LUZP2: variants seen among roughly 807,000 people sequenced by gnomAD.
The protein encoded by LUZP2 is leucine zipper protein 2.
LUZP2 carries 52 observed loss-of-function variants against 51.6 expected under a neutral mutation model. The ratio of observed to expected loss-of-function variants is 1.01; its 90% CI spans 0.81 to 1.27. LUZP2 has a LOEUF of 1.27. Among genes scored for constraint, LUZP2 ranks in the 50% most tolerant of loss-of-function variants. The probability of loss-of-function intolerance (pLI) is 0.00; values close to 1 mark genes in which losing one functional copy is unlikely to be tolerated. For synonymous variants in LUZP2, 154 were observed against 137.3 expected (o/e 1.12, Z -0.85); for missense variants, 436 against 395.4 (o/e 1.10, Z -0.87).
chr11:24,694,527 T>C (rs1857182254), intron 1 of LUZP2, among the ~76,000 whole-genome samples: 1 of 152,068 alleles, frequency 6.6e-6, no homozygotes, highest in African/African-American at 2.4e-5. Flanking sequence ...TCCTCAAGGA[T>C]CTAGAACCAG....
Position 24,753,379 on chromosome 11 carries a change from G to A in LUZP2, c.334-9867G>A, listed in dbSNP as rs189926742. On this transcript the variant is annotated intron_variant, in intron 4 of 11. Transcript: ENST00000336930. ...CATCCATGTAGGAACCCAGTCCTAG[G>A]TTTTTATGGAAGCTTCATTACTTCA... Among the ~76,000 whole-genome samples the A allele has an allele frequency of 6.5e-4, 99 of 152,208 alleles. No individual in the cohort carries two copies. The Middle Eastern group carries it at 0.014, about 21-fold the overall frequency.
chr11:24,719,758 A>T (rs1178675784), intron 1 of LUZP2, among the ~76,000 whole-genome samples: 1 of 152,190 alleles, frequency 6.6e-6, no homozygotes, highest in African/African-American at 2.4e-5. Context: ...GATTGACAGG[A>T]TGTTATTCTA....
chr11:24,728,546 C>CA (rs949772824), intron 1 of LUZP2, among the ~76,000 whole-genome samples: 2 of 151,766 alleles, frequency 1.3e-5, no homozygotes, highest in Non-Finnish European at 2.9e-5. Context: ...GAAAATTTTC[C>CA]AAAACATAAA....
At chr11:24,850,824 G>A (rs1472751583) in intron 5 of LUZP2, among the ~76,000 whole-genome samples, 1 of 152,174 alleles carries the variant, frequency 6.6e-6, no homozygotes, top group African/African-American at 2.4e-5. Flanking sequence ...TCTTCTGGAA[G>A]AGGTTCTTCA....
intron 4 of LUZP2, among the ~76,000 whole-genome samples, chr11:24,760,920 C>G (rs531362720): frequency 9.2e-5 from 14 of 152,280 alleles, no homozygotes; most frequent in African/African-American, 3.4e-4. Context: ...TGACTTAACA[C>G]AGTCTTAATA....
At chr11:24,942,853 G>A (rs961860354) in intron 7 of LUZP2, among the ~76,000 whole-genome samples, 6 of 152,034 alleles carry the variant, frequency 3.9e-5, no homozygotes, top group African/African-American at 1.4e-4. Context: ...CATATATGTA[G>A]GCTATTGTGT....
At chr11:24,576,868 G>T (rs1852670256) in intron 1 of LUZP2, among the ~76,000 whole-genome samples, 2 of 151,906 alleles carry the variant, frequency 1.3e-5, no homozygotes. Flanking sequence ...TATGAGTATT[G>T]CAATCAACTT....
chr11:24,738,090 T>C, intron 3 of LUZP2, 131 bp from the exon 4 acceptor site: 1 of 539,642 alleles, frequency 1.9e-6, no homozygotes, highest in Non-Finnish European at 3.2e-6. Flanking sequence ...TATGCTTAAC[T>C]GTGGCTTTAT....
At chr11:24,566,369 C>T (rs1380470845) in intron 1 of LUZP2, among the ~76,000 whole-genome samples, 6 of 139,234 alleles carry the variant, frequency 4.3e-5, no homozygotes, top group East Asian at 2.1e-4. Flanking sequence ...CTCACTCTGT[C>T]GCCAGGCTGA....
chr11:25,062,034 G>A (rs1315668433), intron 10 of LUZP2, among the ~76,000 whole-genome samples: 1 of 151,014 alleles, frequency 6.6e-6, no homozygotes, highest in African/African-American at 2.4e-5. Flanking sequence ...TCATTGGAAA[G>A]TGACATATCA....
intron 4 of LUZP2, chr11:24,751,417 C>A (rs562793428): frequency 1.1e-3 from 212 of 187,206 alleles, no homozygotes; most frequent in Non-Finnish European, 1.7e-3. Context: ...TTTCTGCACT[C>A]TTCCTTGAGA....
intron 7 of LUZP2, among the ~76,000 whole-genome samples, chr11:24,934,000 G>A (rs1231408309): frequency 6.6e-6 from 1 of 152,182 alleles, no homozygotes; most frequent in African/African-American, 2.4e-5. Context: ...CCTTCTCAAG[G>A]ATGGGGAGGG....
intron 4 of LUZP2, among the ~76,000 whole-genome samples, chr11:24,747,091 T>A (rs1185686638): frequency 6.6e-6 from 1 of 152,160 alleles, no homozygotes; most frequent in Non-Finnish European, 1.5e-5. Context: ...GCTGGTGAGC[T>A]AGTGTGATTT....
At position 24,497,193 on chromosome 11, in the gene LUZP2, A is replaced by AAG. The variant is rs780560411; in HGVS notation, c.-39_-38dup. The AAG allele has an allele frequency of 2.1e-5, 31 of 1,476,332 alleles. No individual in the cohort carries two copies. Among genetic ancestry groups the AAG allele is most frequent in the South Asian group, 4.0e-5 (3 of 75,676 alleles). The allele number at this position is 1,476,332 out of a possible 1,614,324, so 91.5% of individuals were successfully genotyped here. ...GGCACCAAGGAGCGACAGGATCCCG[A>AAG]AGAGAGAGAGAGAAGGCAGCGAGGG... On this transcript the variant is annotated 5_prime_UTR_variant, in exon 1 of 12. Coordinates refer to ENST00000336930, the MANE Select transcript of LUZP2 (RefSeq NM_001009909.4).
At chr11:24,795,994 A>T (rs1000091018) in intron 5 of LUZP2, among the ~76,000 whole-genome samples, 7 of 152,058 alleles carry the variant, frequency 4.6e-5, no homozygotes, top group Admixed American at 1.3e-4. Flanking sequence ...TCCACAGATG[A>T]CAGTTTTACC....
At chr11:24,748,467 T>TC (rs1400251917) in intron 4 of LUZP2, among the ~76,000 whole-genome samples, 1 of 150,590 alleles carries the variant, frequency 6.6e-6, no homozygotes, top group African/African-American at 2.4e-5. Context: ...TAACTTCCTT[T>TC]TTTTTTTTTT....
intron 5 of LUZP2, among the ~76,000 whole-genome samples, chr11:24,881,276 T>C (rs1450708149): frequency 6.9e-6 from 1 of 144,490 alleles, no homozygotes; most frequent in East Asian, 2.0e-4. Flanking sequence ...TCATGCTTGA[T>C]AAAGATATTT....
intron 1 of LUZP2, 75 bp downstream of exon 1, chr11:24,497,380 G>A: frequency 8.6e-7 from 1 of 1,160,418 alleles, no homozygotes; most frequent in Non-Finnish European, 1.2e-6. Flanking sequence ...TGGGTCACCA[G>A]TGGGGGCCAA....
intron 5 of LUZP2, among the ~76,000 whole-genome samples, chr11:24,894,962 G>C (rs947220785): frequency 2.6e-5 from 4 of 152,136 alleles, no homozygotes; most frequent in African/African-American, 9.7e-5. Context: ...ATAATGGCTA[G>C]TTCAAGTCAA....
Sources: allele counts gnomAD v4.1 joint callset (sites outside exome capture counted in the v4.1 genomes callset), GRCh38; gene constraint gnomAD v4.1.1; transcripts MANE v1.5; gene names NCBI Gene and HGNC (gene_info 2026-07-23, HGNC 2026-07-21).